Variants in KCNT1 observed in about 807,000 individuals in gnomAD.
KCNT1 encodes potassium sodium-activated channel subfamily T member 1, also known as potassium channel subfamily T member 1.
In KCNT1, 78 loss-of-function variants were observed where a neutral mutation model predicts 147.8. That is an observed-to-expected ratio of 0.53 (90% confidence interval 0.44 to 0.64). The LOEUF is 0.64. KCNT1 is among the 30% of genes least tolerant of loss of function. KCNT1 has a pLI of 0.00. For synonymous variants in KCNT1, 867 were observed against 748.8 expected, an observed-to-expected ratio of 1.16 and a Z score of -2.58; for missense variants, 1,419 against 1,750.3, an observed-to-expected ratio of 0.81 and a Z score of 3.38.
chr9:135,767,609 A>G (rs923288629), intron 13 of KCNT1, among the ~76,000 whole-genome samples: 1 of 151,724 alleles, frequency 6.6e-6, no homozygotes, highest in Non-Finnish European at 1.5e-5. Context: ...TCTCATGGCA[A>G]CATACAAGAT....
In KCNT1 at chr9:135,756,941, C is replaced by T. The variant is rs1287458024; in HGVS notation, c.600+9C>T. On this transcript the variant is annotated intron_variant, in intron 7 of 30. Transcript: ENST00000371757. ...TCTACCTCAGCTACAAAGTGAGTGC[C>T]TGCCCGGGATGGCACCTCACAGGGG... 6 of 1,612,056 alleles carry T rather than the reference C, an allele frequency of 3.7e-6. No individual in the cohort carries two copies. The highest frequency in any genetic ancestry group is 5.1e-6 in the Non-Finnish European group (6 of 1,179,584).
At chr9:135,791,595 C>T in intron 29 of KCNT1, 1 of 573,884 alleles carries the variant, frequency 1.7e-6, no homozygotes, top group South Asian at 2.0e-5. Context: ...TCCTGGCTGT[C>T]CCCTGCCCTG....
chr9:135,729,051 GC>G (rs1451441688), intron 2 of KCNT1, among the ~76,000 whole-genome samples: 1 of 152,192 alleles, frequency 6.6e-6, no homozygotes, highest in Non-Finnish European at 1.5e-5. Flanking sequence ...ATTCAGTTGG[GC>G]CCTAATTCAA....
intron 3 of KCNT1, 82 bp downstream of exon 3, chr9:135,750,259 G>A (rs1237470839): frequency 8.7e-7 from 1 of 1,153,362 alleles, no homozygotes; most frequent in African/African-American, 1.5e-5. Context: ...GGCGAAGGCT[G>A]GGGCTGTGAG....
chr9:135,731,981 TATATATATATAGAGAG>T (rs1181699412), intron 2 of KCNT1, among the ~76,000 whole-genome samples: 14 of 26,552 alleles, frequency 5.3e-4, no homozygotes, highest in African/African-American at 1.7e-3. Flanking sequence ...TATATATATA[TATATATATATAGAGAG>T]AGAGAGAGAG....
intron 4 of KCNT1, among the ~76,000 whole-genome samples, chr9:135,753,573 G>A (rs1256055324): frequency 6.6e-6 from 1 of 152,178 alleles, no homozygotes; most frequent in Non-Finnish European, 1.5e-5. Flanking sequence ...GCTCTCTCTG[G>A]CCATGTAAGG....
chr9:135,738,204 C>T (rs1159772035), intron 2 of KCNT1, among the ~76,000 whole-genome samples: 2 of 152,238 alleles, frequency 1.3e-5, no homozygotes, highest in Non-Finnish European at 2.9e-5. Flanking sequence ...TTCATCCCAG[C>T]CCTGTGGGCT....
Position 135,765,023 on chromosome 9 carries a change from A to G in KCNT1, c.1036-8A>G. ...GGTCGCTGGTGCTCACCTGTTTCTC[A>G]CCTGCAGTTCGAGGAGCTCGTCTAC... On this transcript the variant is annotated splice_region_variant and splice_polypyrimidine_tract_variant and intron_variant, in intron 11 of 30. Transcript: ENST00000371757. 1 of 1,602,244 alleles carries G rather than the reference A, an allele frequency of 6.2e-7. No homozygotes were observed. The highest frequency in any genetic ancestry group is 8.5e-7 in the Non-Finnish European group (1 of 1,171,138).
rs777551646 is a variant in KCNT1 at position 135,702,360 on chromosome 9, C to T, written c.102C>T (p.Cys34=). The T allele has an allele frequency of 3.1e-6, 5 of 1,610,338 alleles. No homozygotes were observed. The South Asian group carries it at 3.3e-5, about 11-fold the overall frequency. The stretch of plus-strand genomic sequence containing the variant: ...CCTTCGAGTTTGACGACGGCCAATG[C>T]GCCCCCAGGTACAGTCTGCTGCGCC... The part of the protein sequence containing the change: ...NRTFEFDDGQ[C]APRRPCAGDG... The change falls in exon 1 of 31, where the codon TGC becomes TGT. Residue 34 remains cysteine (C), a synonymous_variant. Coordinates refer to ENST00000371757, the MANE Select transcript of KCNT1 (RefSeq NM_020822.3).
chr9:135,716,369 G>A (rs1203228126), intron 2 of KCNT1, among the ~76,000 whole-genome samples: 4 of 152,246 alleles, frequency 2.6e-5, no homozygotes, highest in Middle Eastern at 3.4e-3. Flanking sequence ...TTTGCTGTCC[G>A]CCTAGAGAGA....
At chr9:135,750,041 T>C (rs988832610) in intron 2 of KCNT1, 57 bp from the exon 3 acceptor site, 1 of 1,421,654 alleles carries the variant, frequency 7.0e-7, no homozygotes, top group Admixed American at 1.7e-5. Flanking sequence ...TCCCGGCGTG[T>C]CCCCAGCCTG....
At chr9:135,771,207 G>A (rs1462380338) in intron 18 of KCNT1, 112 bp downstream of exon 18, 10 of 994,266 alleles carry the variant, frequency 1.0e-5, no homozygotes, top group Non-Finnish European at 1.5e-5. Context: ...GACAGGGGGA[G>A]GTGACCAGGT....
chr9:135,738,944 G>C (rs1328056593), intron 2 of KCNT1, among the ~76,000 whole-genome samples: 2 of 152,102 alleles, frequency 1.3e-5, no homozygotes, highest in African/African-American at 2.4e-5. Flanking sequence ...GTGCCCAATG[G>C]GGGGACAGGG....
chr9:135,776,557 A>G (rs1034230432), intron 20 of KCNT1, among the ~76,000 whole-genome samples: 7 of 152,150 alleles, frequency 4.6e-5, no homozygotes, highest in African/African-American at 1.7e-4. Flanking sequence ...GTGAGCCACC[A>G]TGCCTGCCAT....
intron 2 of KCNT1, among the ~76,000 whole-genome samples, chr9:135,746,766 G>A (rs1350903529): frequency 6.6e-6 from 1 of 152,080 alleles, no homozygotes; most frequent in East Asian, 1.9e-4. Context: ...GCCTTGGAGT[G>A]GAGTGTGGGG....
At position 135,769,121 on chromosome 9, in the gene KCNT1, C is replaced by T. The variant is rs538577829; in HGVS notation, c.1510+184C>T. Among the ~76,000 whole-genome samples, 5 of 58,124 alleles carry T rather than the reference C, an allele frequency of 8.6e-5. 2 individuals are homozygous for T. The highest frequency in any genetic ancestry group is 4.4e-4 in the Admixed American group (3 of 6,872). 38.1% of individuals were successfully genotyped at this position (58,124 alleles called of 152,430 possible). A position where few individuals can be genotyped will look rare whatever the true frequency, so the allele number is the denominator to read the frequency against. ...AGGATGCGTGTGCACACGTGGGTGTCGGTGCGTCTGGGGCAGGGCGCATGT... is the reference window on the plus strand; with the variant it reads ...AGGATGCGTGTGCACACGTGGGTGTTGGTGCGTCTGGGGCAGGGCGCATGT... On this transcript the variant is annotated intron_variant, in intron 15 of 30. Transcript: ENST00000371757.
At chr9:135,772,149 C>T (rs1160242891) in intron 18 of KCNT1, among the ~76,000 whole-genome samples, 1 of 152,246 alleles carries the variant, frequency 6.6e-6, no homozygotes, top group Non-Finnish European at 1.5e-5. Context: ...CCTAGCCACA[C>T]CTCCACCTTC....
In KCNT1 at chr9:135,753,923, G is replaced by C; in HGVS notation, c.435-14G>C. 1.2e-6 allele frequency: 2 copies of C among 1,614,050 alleles called. No individual in the cohort carries two copies. The highest frequency in any genetic ancestry group is 1.7e-6 in the Non-Finnish European group (2 of 1,179,970). On this transcript the variant is annotated splice_polypyrimidine_tract_variant and intron_variant, in intron 4 of 30. Transcript: ENST00000371757. ...GAGGGGCCAGGGCCGGGCCAGCGCT[G>C]TGTCTCTCCACAGCTGGGGCTGCCC...
intron 1 of KCNT1, among the ~76,000 whole-genome samples, chr9:135,710,102 G>A (rs933586146): frequency 1.3e-5 from 2 of 152,300 alleles, no homozygotes; most frequent in African/African-American, 4.8e-5. Context: ...TTTTGCCAGT[G>A]ATGTCTTTTG....
Sources: allele counts gnomAD v4.1 joint callset (sites outside exome capture counted in the v4.1 genomes callset), GRCh38; gene constraint gnomAD v4.1.1; transcripts MANE v1.5; gene names NCBI Gene and HGNC (gene_info 2026-07-23, HGNC 2026-07-21).